The following ZBTB20 variants were observed in gnomAD, a reference collection of about 807,000 sequenced individuals.
ZBTB20 encodes zinc finger and BTB domain-containing protein 20.
In ZBTB20, 9 loss-of-function variants were observed where a neutral mutation model predicts 56.9. The ratio of observed to expected loss-of-function variants is 0.16; its 90% CI spans 0.10 to 0.28. The LOEUF (loss-of-function observed/expected upper bound fraction) is 0.28. ZBTB20 is among the 10% of genes least tolerant of loss of function. The probability of loss-of-function intolerance (pLI) is 1.00; values close to 1 mark genes in which losing one functional copy is unlikely to be tolerated. For synonymous variants in ZBTB20, 417 were observed against 420.7 expected (o/e 0.99, Z 0.11); for missense variants, 655 against 1,003.0 (o/e 0.65, Z 4.69).
chr3:114,820,912 A>G (rs1178795021), intron 4 of ZBTB20, among the ~76,000 whole-genome samples: 3 of 152,142 alleles, frequency 2.0e-5, no homozygotes, highest in African/African-American at 7.2e-5. Flanking sequence ...TGCTAATATT[A>G]ATAATTGTTT....
chr3:114,467,045 T>A (rs1416178281), intron 7 of ZBTB20, among the ~76,000 whole-genome samples: 1 of 152,104 alleles, frequency 6.6e-6, no homozygotes, highest in Non-Finnish European at 1.5e-5. Context: ...AGAGATAGGT[T>A]TTAGGCAAGG....
chr3:115,031,040 A>G (rs2080654136), intron 2 of ZBTB20, among the ~76,000 whole-genome samples: 1 of 151,440 alleles, frequency 6.6e-6, no homozygotes, highest in South Asian at 2.1e-4. Flanking sequence ...TAATTTTCTA[A>G]GAAAATCAGG....
chr3:115,008,093 A>C (rs2079550040), intron 2 of ZBTB20, among the ~76,000 whole-genome samples: 1 of 151,570 alleles, frequency 6.6e-6, no homozygotes, highest in South Asian at 2.1e-4. Context: ...TATTTTGATG[A>C]CTCTCAAGTC....
At chr3:114,484,952 T>A (rs2041959886) in intron 7 of ZBTB20, among the ~76,000 whole-genome samples, 1 of 152,152 alleles carries the variant, frequency 6.6e-6, no homozygotes, top group Non-Finnish European at 1.5e-5. Flanking sequence ...ATAGCTCAGG[T>A]CTTAAAAGGA....
intron 5 of ZBTB20, among the ~76,000 whole-genome samples, chr3:114,729,054 A>T (rs574669700): frequency 6.6e-6 from 1 of 152,274 alleles, no homozygotes; most frequent in South Asian, 2.1e-4. Flanking sequence ...CATCCTGCAC[A>T]TGTGCCCAAG....
At chr3:114,782,840 G>T (rs2070204695) in intron 5 of ZBTB20, among the ~76,000 whole-genome samples, 1 of 152,164 alleles carries the variant, frequency 6.6e-6, no homozygotes, top group South Asian at 2.1e-4. Context: ...GATATGCAGA[G>T]ATAAGTTGAA....
intron 3 of ZBTB20, among the ~76,000 whole-genome samples, chr3:114,923,522 C>T (rs1025118843): frequency 6.6e-6 from 1 of 152,080 alleles, no homozygotes; most frequent in Non-Finnish European, 1.5e-5. Context: ...TACTCAAATG[C>T]AAAAGAATAA....
intron 7 of ZBTB20, among the ~76,000 whole-genome samples, chr3:114,465,790 G>A (rs2092525529): frequency 6.6e-6 from 1 of 152,008 alleles, no homozygotes; most frequent in Non-Finnish European, 1.5e-5. Flanking sequence ...GGATGATTAT[G>A]CTCATGACAC....
At chr3:114,839,397 G>A (rs1560306557) in intron 4 of ZBTB20, among the ~76,000 whole-genome samples, 1 of 79,168 alleles carries the variant, frequency 1.3e-5, no homozygotes, top group Non-Finnish European at 2.5e-5. Context: ...GACAGAGTGA[G>A]AGCCTGTCTG....
At chr3:114,376,972 C>T (rs1576460794) in intron 10 of ZBTB20, among the ~76,000 whole-genome samples, 1 of 152,200 alleles carries the variant, frequency 6.6e-6, no homozygotes, top group Non-Finnish European at 1.5e-5. Flanking sequence ...TCGCGTCTAT[C>T]ACATGTATAT....
chr3:114,650,583 A>G (rs976810501), intron 6 of ZBTB20, among the ~76,000 whole-genome samples: 2 of 151,900 alleles, frequency 1.3e-5, no homozygotes, highest in East Asian at 1.9e-4. Context: ...TCTTCCTACT[A>G]TTATTATTAG....
chr3:114,602,193 T>A (rs1419057542), intron 6 of ZBTB20, among the ~76,000 whole-genome samples: 3 of 152,030 alleles, frequency 2.0e-5, no homozygotes, highest in African/African-American at 7.2e-5. Flanking sequence ...TAACAAGTTC[T>A]ATAGAGTTAC....
intron 7 of ZBTB20, among the ~76,000 whole-genome samples, chr3:114,491,438 T>C (rs1398552825): frequency 6.6e-6 from 1 of 152,216 alleles, no homozygotes; most frequent in Non-Finnish European, 1.5e-5. Flanking sequence ...TCCCCGCTTA[T>C]TCTTAGCAGG....
chr3:114,705,052 G>C (rs527338908), intron 5 of ZBTB20, among the ~76,000 whole-genome samples: 1 of 152,106 alleles, frequency 6.6e-6, no homozygotes, highest in East Asian at 1.9e-4. Flanking sequence ...CAAAATCTTA[G>C]TTTAGTGAAT....
chr3:115,063,084 ATTG>A (rs2082070439), intron 2 of ZBTB20, among the ~76,000 whole-genome samples: 1 of 151,966 alleles, frequency 6.6e-6, no homozygotes, highest in African/African-American at 2.4e-5. Flanking sequence ...ATTCTTCATC[ATTG>A]TTTTTATCAT....
chr3:114,732,263 A>C (rs1248999991), intron 5 of ZBTB20, among the ~76,000 whole-genome samples: 1 of 152,160 alleles, frequency 6.6e-6, no homozygotes, highest in Admixed American at 6.6e-5. Context: ...GTAATTGACT[A>C]TCTCATTGAC....
At chr3:114,956,543 T>C (rs1032242381) in intron 3 of ZBTB20, among the ~76,000 whole-genome samples, 1 of 152,184 alleles carries the variant, frequency 6.6e-6, no homozygotes, top group Non-Finnish European at 1.5e-5. Flanking sequence ...TAGATTTAAT[T>C]TGTATAATCA....
At chr3:114,453,099 TG>T (rs2091742878) in intron 7 of ZBTB20, among the ~76,000 whole-genome samples, 3 of 152,200 alleles carry the variant, frequency 2.0e-5, no homozygotes, top group African/African-American at 7.2e-5. Context: ...GATTTCTTTT[TG>T]CTTTTGTTGG....
At chr3:114,697,097 G>A (rs201427208) in intron 5 of ZBTB20, among the ~76,000 whole-genome samples, 47 of 137,206 alleles carry the variant, frequency 3.4e-4, no homozygotes, top group African/African-American at 4.6e-4. Flanking sequence ...GAGAAAAAAA[G>A]AAAAAAAAAA....
Sources: allele counts gnomAD v4.1 joint callset (sites outside exome capture counted in the v4.1 genomes callset), GRCh38; gene constraint gnomAD v4.1.1; transcripts MANE v1.5; gene names NCBI Gene and HGNC (gene_info 2026-07-23, HGNC 2026-07-21).